Variants in PRTFDC1 observed in about 807,000 individuals in gnomAD.
The protein encoded by PRTFDC1 is phosphoribosyltransferase domain-containing protein 1.
Under a neutral mutation model 34.6 loss-of-function variants are expected in PRTFDC1, and 38 were observed. That is an observed-to-expected ratio of 1.10 (90% CI 0.85 to 1.44). The LOEUF is 1.44. Ranked by LOEUF, PRTFDC1 falls within the 40% of genes most tolerant of loss-of-function variation. PRTFDC1 has a pLI of 0.00. For missense variants in PRTFDC1, 270 were observed against 283.0 expected, an observed-to-expected ratio of 0.95 and a Z score of 0.33; for synonymous variants, 93 against 98.1, an observed-to-expected ratio of 0.95 and a Z score of 0.31.
chr10:24,934,238 GAAGAAGAAGGAGAAGA>G (rs1849013563), intron 3 of PRTFDC1, among the ~76,000 whole-genome samples: 5 of 96,078 alleles, frequency 5.2e-5, no homozygotes, highest in African/African-American at 1.2e-4. Context: ...AGAAGAAGAA[GAAGAAGAAGGAGAAGA>G]AGAAGAAGAA....
intron 4 of PRTFDC1, among the ~76,000 whole-genome samples, chr10:24,867,489 C>A (rs1449957224): frequency 6.6e-6 from 1 of 152,158 alleles, no homozygotes; most frequent in Non-Finnish European, 1.5e-5. Context: ...CTTTGCTGAG[C>A]AAGTTCAGCT....
intron 3 of PRTFDC1, among the ~76,000 whole-genome samples, chr10:24,874,939 T>A (rs1588583835): frequency 6.6e-6 from 1 of 152,180 alleles, no homozygotes; most frequent in African/African-American, 2.4e-5. Flanking sequence ...ATGATGGTTT[T>A]ATTAAGGGTC....
chr10:24,873,765 C>T lies in PRTFDC1; in HGVS notation c.340-1702G>A, dbSNP rs1461833489. 2.7e-5 allele frequency among the ~76,000 whole-genome samples: 4 copies of T among 146,916 alleles called. No homozygotes were observed. In the East Asian group the frequency reaches 7.8e-4, roughly 29 times the overall value. ...GTAACTGTGTCTCTATCTAGAAGTA[C>T]AGTTACTTTGTTATGGAGTTGGTCA... On this transcript the variant is annotated intron_variant, in intron 3 of 8. Transcript: ENST00000320152.
chr10:24,937,656 C>G (rs376926628), intron 2 of PRTFDC1, among the ~76,000 whole-genome samples: 1 of 150,734 alleles, frequency 6.6e-6, no homozygotes, highest in African/African-American at 2.4e-5. Context: ...CTCCTGGGTT[C>G]AAGTGATTCT....
intron 3 of PRTFDC1, among the ~76,000 whole-genome samples, chr10:24,880,334 C>T (rs1254966621): frequency 6.6e-6 from 1 of 151,388 alleles, no homozygotes; most frequent in Non-Finnish European, 1.5e-5. Context: ...CTCACTGCAA[C>T]CTCTGCCTCC....
At chr10:24,902,048 C>T (rs114740527) in intron 3 of PRTFDC1, among the ~76,000 whole-genome samples, 26 of 152,210 alleles carry the variant, frequency 1.7e-4, no homozygotes, top group Admixed American at 5.2e-4. Context: ...GTCCTGGTGA[C>T]GATCCCTGCA....
At position 24,851,448 on chromosome 10, in the gene PRTFDC1, A is replaced by G; in HGVS notation, c.570T>C (p.Ile190=). The G allele has an allele frequency of 1.2e-6, 2 of 1,611,818 alleles. No individual in the cohort carries two copies. The highest frequency in any genetic ancestry group is 2.2e-5 in the East Asian group (1 of 44,860). ...CATATCCCACCACAAATAAGTTTGG[A>G]ATCTCAAATCCAGCATCTTAGCAGA... ...GFRPDYAGFE[I]PNLFVVGYAL... The change falls in exon 8 of 9, where the codon ATT becomes ATC. Residue 190 remains isoleucine (I), a synonymous_variant. Coordinates refer to ENST00000320152, the MANE Select transcript of PRTFDC1 (RefSeq NM_020200.7).
At chr10:24,856,846 G>A in intron 6 of PRTFDC1, 67 bp downstream of exon 6, 1 of 1,342,704 alleles carries the variant, frequency 7.4e-7, no homozygotes. Context: ...AGAGCATCCT[G>A]TGTTAGCATC....
At chr10:24,870,800 T>C (rs984344200) in intron 4 of PRTFDC1, among the ~76,000 whole-genome samples, 6 of 152,064 alleles carry the variant, frequency 3.9e-5, no homozygotes, top group African/African-American at 1.4e-4. Context: ...GTGCACTGTT[T>C]TGTAGTCAGA....
chr10:24,943,631 A>AC (rs1326118414), intron 1 of PRTFDC1, among the ~76,000 whole-genome samples: 7 of 148,608 alleles, frequency 4.7e-5, no homozygotes, highest in Non-Finnish European at 7.4e-5. Flanking sequence ...GCTCACTGCA[A>AC]CCCTGCCTCC....
chr10:24,865,350 C>T (rs1847756982), intron 4 of PRTFDC1, among the ~76,000 whole-genome samples: 1 of 152,156 alleles, frequency 6.6e-6, no homozygotes, highest in African/African-American at 2.4e-5. Flanking sequence ...TAAGCAATTT[C>T]CTAAAATTCA....
rs184336378 is a variant in PRTFDC1 at position 24,933,573 on chromosome 10, G to T, written c.339+3611C>A. On this transcript the variant is annotated intron_variant, in intron 3 of 8. Coordinates refer to ENST00000320152, the MANE Select transcript of PRTFDC1 (RefSeq NM_020200.7). ...CACCTATTAGAACAGGTAAAATCAA[G>T]AAAAAAATAAGGAAAAACTGATAAT... 1.3e-3 allele frequency among the ~76,000 whole-genome samples: 192 copies of T among 150,738 alleles called. 1 individual carries two copies. Among genetic ancestry groups the T allele is most frequent in the African/African-American group, 4.4e-3 (183 of 41,142 alleles).
At chr10:24,888,869 G>A (rs1298921137) in intron 3 of PRTFDC1, among the ~76,000 whole-genome samples, 1 of 152,058 alleles carries the variant, frequency 6.6e-6, no homozygotes, top group East Asian at 1.9e-4. Context: ...GATGCAATGT[G>A]GAAAAAGAAA....
intron 4 of PRTFDC1, among the ~76,000 whole-genome samples, chr10:24,869,506 A>G (rs796521877): frequency 1.3e-5 from 2 of 152,202 alleles, no homozygotes; most frequent in South Asian, 4.1e-4. Flanking sequence ...GCCTCTACCT[A>G]CATGATCCGT....
At chr10:24,856,278 T>A (rs1847574528) in intron 6 of PRTFDC1, among the ~76,000 whole-genome samples, 1 of 147,878 alleles carries the variant, frequency 6.8e-6, no homozygotes, top group South Asian at 2.2e-4. Flanking sequence ...TGTCTCATAT[T>A]AAAGAATAAA....
intron 3 of PRTFDC1, among the ~76,000 whole-genome samples, chr10:24,901,376 G>A (rs138469240): frequency 9.3e-4 from 142 of 152,166 alleles, no homozygotes; most frequent in African/African-American, 3.3e-3. Flanking sequence ...AATTATAGAT[G>A]GAAAGTCTCA....
At chr10:24,922,826 C>G (rs751389447) in intron 3 of PRTFDC1, among the ~76,000 whole-genome samples, 2 of 152,218 alleles carry the variant, frequency 1.3e-5, no homozygotes, top group Admixed American at 1.3e-4. Context: ...GGGGGCAAGC[C>G]GAAGTGGGGT....
chr10:24,950,448 C>T (rs376562264), intron 1 of PRTFDC1, among the ~76,000 whole-genome samples: 4 of 152,072 alleles, frequency 2.6e-5, no homozygotes, highest in African/African-American at 4.8e-5. Flanking sequence ...TGGAGCATTT[C>T]GGATTTTGGA....
intron 3 of PRTFDC1, among the ~76,000 whole-genome samples, chr10:24,920,266 T>C (rs1389232935): frequency 6.6e-6 from 1 of 151,250 alleles, no homozygotes; most frequent in African/African-American, 2.5e-5. Context: ...TAAAATGTTA[T>C]ATATATATGT....
Sources: gnomAD v4.1 joint callset for allele counts (sites outside exome capture counted in the v4.1 genomes callset) on GRCh38, gnomAD v4.1.1 for gene constraint, MANE v1.5 for transcripts, NCBI Gene and HGNC (gene_info 2026-07-23, HGNC 2026-07-21) for gene names.